RPS6KA6: variants seen among roughly 807,000 people sequenced by gnomAD.
RPS6KA6 encodes ribosomal protein S6 kinase alpha-6.
Under a neutral mutation model 65.4 loss-of-function variants are expected in RPS6KA6, and 27 were observed. The ratio of observed to expected loss-of-function variants is 0.41; its 90% confidence interval spans 0.30 to 0.57. The LOEUF (loss-of-function observed/expected upper bound fraction) is 0.57, where lower values mean the gene tolerates loss of function less well. RPS6KA6 is among the 20% of genes least tolerant of loss of function. The pLI, the probability that RPS6KA6 is intolerant of heterozygous loss-of-function variation, is 0.24. For missense variants in RPS6KA6, 486 were observed against 555.6 expected, an observed-to-expected ratio of 0.87 and a Z score of 1.26; for synonymous variants, 190 against 184.2, an observed-to-expected ratio of 1.03 and a Z score of -0.26.
At chrX:84,160,089 T>G (rs2147596285) in intron 2 of RPS6KA6, among the ~76,000 whole-genome samples, 1 of 111,413 alleles carries the variant, frequency 9.0e-6, no homozygotes, top group African/African-American at 3.2e-5. Context: ...TCTTTGAAAA[T>G]AATGTTGCTA....
In RPS6KA6 at chrX:84,164,527, TA is replaced by T. The variant is rs1165030445; in HGVS notation, c.82-141del. ...GAAAAACAAAAGGACAAAGGACACA[TA>T]GAAGTACTTAGAAAAGGAACACTAT... On this transcript the variant is annotated intron_variant, in intron 1 of 21. Transcript: ENST00000262752. 9.1e-6 allele frequency: 4 copies of T among 441,302 alleles called. No homozygotes were observed. In the East Asian group the frequency reaches 1.6e-4, roughly 17 times the overall value. 36.4% of individuals were successfully genotyped at this position (441,302 alleles called of 1,213,427 possible).
chrX:84,091,071 A>G (rs2147387397), intron 20 of RPS6KA6, among the ~76,000 whole-genome samples: 1 of 112,170 alleles, frequency 8.9e-6, no homozygotes, highest in Admixed American at 9.4e-5. Context: ...TAAATTCTAT[A>G]TGCCTTGGTT....
chrX:84,147,290 T>C (rs1364004675), intron 4 of RPS6KA6, among the ~76,000 whole-genome samples: 1 of 111,639 alleles, frequency 9.0e-6, no homozygotes, highest in Non-Finnish European at 1.9e-5. Context: ...TAATATGCAT[T>C]TATTATGTGT....
At chrX:84,132,829 T>C (rs1204934740) in intron 8 of RPS6KA6, among the ~76,000 whole-genome samples, 1 of 109,592 alleles carries the variant, frequency 9.1e-6, no homozygotes, top group African/African-American at 3.3e-5. Context: ...AAACTTTCTA[T>C]AGTCCATTGT....
At position 84,147,001 on chromosome X, in the gene RPS6KA6, G is replaced by T; in HGVS notation, c.398C>A (p.Pro133Gln). ...ERDILVEVNH[P>Q]FIVKLHYAFQ... is the part of the protein sequence containing the mutation. ...ACCATAGTGCAATTTGACAATAAATGGATGATTTACTTCCACCAGTATATC... is the reference window on the plus strand; with the variant it reads ...ACCATAGTGCAATTTGACAATAAATTGATGATTTACTTCCACCAGTATATC... Residue 133 changes from proline (P) to glutamine (Q), a missense_variant, in exon 5 of 22, where the codon CCA (proline) becomes CAA (glutamine). Transcript: ENST00000262752. The T allele has an allele frequency of 8.5e-7, 1 of 1,176,487 alleles. No homozygotes were observed. The highest frequency in any genetic ancestry group is 1.2e-6 in the Non-Finnish European group (1 of 869,479).
intron 1 of RPS6KA6, among the ~76,000 whole-genome samples, chrX:84,171,776 C>G (rs1315720171): frequency 9.0e-6 from 1 of 111,249 alleles, no homozygotes; most frequent in Non-Finnish European, 1.9e-5. Context: ...AACTCGCCAT[C>G]TAGGTTTTAA....
chrX:84,171,457 T>G (rs1191810595), intron 1 of RPS6KA6, among the ~76,000 whole-genome samples: 2 of 112,004 alleles, frequency 1.8e-5, no homozygotes, highest in Non-Finnish European at 3.8e-5. Context: ...AGATCTTTAC[T>G]TATTAAACTC....
chrX:84,130,604 T>C (rs1200528560), intron 8 of RPS6KA6, among the ~76,000 whole-genome samples: 2 of 111,718 alleles, frequency 1.8e-5, no homozygotes, highest in African/African-American at 6.5e-5. Context: ...ATAACTCAAA[T>C]GCCTCCTCAT....
At chrX:84,133,160 T>A (rs1602442120) in intron 8 of RPS6KA6, among the ~76,000 whole-genome samples, 1 of 112,101 alleles carries the variant, frequency 8.9e-6, no homozygotes, top group African/African-American at 3.2e-5. Flanking sequence ...CATCAAAGTC[T>A]GACTGCAAAA....
chrX:84,083,271 G>A (rs140173515), intron 20 of RPS6KA6, among the ~76,000 whole-genome samples: 1,487 of 111,187 alleles, frequency 0.013, 30 homozygotes, highest in African/African-American at 0.046. Flanking sequence ...TGCATGATGC[G>A]CAGGTTTGTT....
At chrX:84,116,119 T>C (rs1004776555) in intron 12 of RPS6KA6, 110 bp downstream of exon 12, 2 of 439,501 alleles carry the variant, frequency 4.6e-6, no homozygotes, top group Admixed American at 9.0e-5. Context: ...AAAATAAATA[T>C]GTATGTAAAT....
chrX:84,102,005 G>A (rs1389713311), intron 18 of RPS6KA6, 32 bp downstream of exon 18: 1 of 1,123,881 alleles, frequency 8.9e-7, no homozygotes, highest in Non-Finnish European at 1.2e-6. Flanking sequence ...GGAAAAGAAT[G>A]AAAGGCAAAT....
At chrX:84,139,386 T>C (rs1234241723) in intron 6 of RPS6KA6, among the ~76,000 whole-genome samples, 1 of 112,194 alleles carries the variant, frequency 8.9e-6, no homozygotes, top group African/African-American at 3.2e-5. Context: ...ACAAGGTCCT[T>C]TAAAGACCCT....
intron 9 of RPS6KA6, among the ~76,000 whole-genome samples, chrX:84,117,966 C>G (rs2034600214): frequency 9.0e-6 from 1 of 110,837 alleles, no homozygotes; most frequent in South Asian, 3.8e-4. Flanking sequence ...CACACACACA[C>G]ATGCCAATAG....
intron 5 of RPS6KA6, among the ~76,000 whole-genome samples, chrX:84,146,462 A>C (rs1320991262): frequency 9.0e-6 from 1 of 111,710 alleles, no homozygotes; most frequent in Non-Finnish European, 1.9e-5. Flanking sequence ...CAATGGAGCC[A>C]TGATTCAAAT....
chrX:84,060,453 T>C lies in RPS6KA6; in HGVS notation c.*3824A>G, dbSNP rs2033286432. 9.5e-6 allele frequency: 1 copy of C among 105,268 alleles called. No homozygotes were observed. The highest frequency in any genetic ancestry group is 2.0e-5 in the Non-Finnish European group (1 of 51,243). 8.7% of individuals were successfully genotyped at this position (105,268 alleles called of 1,213,427 possible). A position where few individuals can be genotyped will look rare whatever the true frequency, so the allele number is the denominator to read the frequency against. On this transcript the variant is annotated 3_prime_UTR_variant, in exon 22 of 22. Transcript: ENST00000262752. ...GATTCAATCTCTCTGTGCTTTTTTT[T>C]TTCTTTATAACAGGAATGGGATGGG...
intron 1 of RPS6KA6, among the ~76,000 whole-genome samples, chrX:84,175,992 T>C (rs2035761332): frequency 8.9e-6 from 1 of 112,109 alleles, no homozygotes; most frequent in Non-Finnish European, 1.9e-5. Flanking sequence ...TAAAAAGGAC[T>C]AGTAGTTGTA....
At chrX:84,168,503 G>T (rs2035632742) in intron 1 of RPS6KA6, among the ~76,000 whole-genome samples, 1 of 110,525 alleles carries the variant, frequency 9.0e-6, no homozygotes, top group South Asian at 3.8e-4. Flanking sequence ...AGACTATGTG[G>T]GATTAAAAAA....
At chrX:84,138,922 C>T (rs926193017) in intron 6 of RPS6KA6, among the ~76,000 whole-genome samples, 22 of 110,240 alleles carry the variant, frequency 2.0e-4, no homozygotes, top group African/African-American at 5.9e-4. Flanking sequence ...TTCTTTAAAA[C>T]ATACAAAAAT....
Sources: allele counts gnomAD v4.1 joint callset (sites outside exome capture counted in the v4.1 genomes callset), GRCh38; gene constraint gnomAD v4.1.1; transcripts MANE v1.5; gene names NCBI Gene and HGNC (gene_info 2026-07-23, HGNC 2026-07-21).